PPM1H: variants seen among roughly 807,000 people sequenced by gnomAD.
The protein encoded by PPM1H is protein phosphatase, Mg2+/Mn2+ dependent 1H.
A neutral mutation model predicts 54.9 loss-of-function variants in PPM1H; 27 were observed. The observed-to-expected ratio is 0.49, with a 90% CI of 0.36 to 0.68. PPM1H has a LOEUF of 0.68. Ranked by LOEUF, PPM1H falls within the 30% of genes least tolerant of loss-of-function variation. The pLI, the probability that PPM1H is intolerant of heterozygous loss-of-function variation, is 0.00. For missense variants in PPM1H, 596 were observed against 667.8 expected, an observed-to-expected ratio of 0.89 and a Z score of 1.19; for synonymous variants, 305 against 270.8, an observed-to-expected ratio of 1.13 and a Z score of -1.24.
intron 4 of PPM1H, among the ~76,000 whole-genome samples, chr12:62,776,325 CA>C (rs2076611050): frequency 6.6e-6 from 1 of 152,230 alleles, no homozygotes; most frequent in Admixed American, 6.5e-5. Context: ...TTTGAAACTG[CA>C]ACCCACCCCT....
At position 62,694,006 on chromosome 12, in the gene PPM1H, G is replaced by A. The variant is rs753269948; in HGVS notation, c.1074-7C>T. On this transcript the variant is annotated splice_region_variant and splice_polypyrimidine_tract_variant and intron_variant, in intron 6 of 9. Transcript: ENST00000228705. ...CTCAATGGTTTTGTATGCCCTGTAG[G>A]GGATAAACAACATTTTAAAAAAGGT... is the stretch of plus-strand genomic sequence containing the variant. 30 of 1,610,298 alleles carry A rather than the reference G, an allele frequency of 1.9e-5. No individual in the cohort carries two copies. In the Middle Eastern group the frequency reaches 6.6e-4, roughly 35 times the overall value.
intron 8 of PPM1H, among the ~76,000 whole-genome samples, chr12:62,681,520 G>C (rs2076019037): frequency 6.6e-6 from 1 of 152,264 alleles, no homozygotes; most frequent in East Asian, 1.9e-4. Flanking sequence ...GGGGCAGTTA[G>C]CTTTATTAGA....
intron 6 of PPM1H, among the ~76,000 whole-genome samples, chr12:62,714,583 G>A (rs905943741): frequency 4.6e-5 from 7 of 152,070 alleles, no homozygotes; most frequent in African/African-American, 1.7e-4. Flanking sequence ...CACACTTAGA[G>A]GTTCGCAGCA....
rs1253928750 is a variant in PPM1H, at chr12:62,645,418, T to G, written c.*3071A>C. ...ACTGAAATTTCCACTGCTTAAGGCT[T>G]CATCCTATTAAGACAGCTGAGTACT... On this transcript the variant is annotated 3_prime_UTR_variant, in exon 10 of 10. Transcript: ENST00000228705. 1 of 152,282 alleles carries G rather than the reference T, an allele frequency of 6.6e-6. No individual in the cohort carries two copies. Among genetic ancestry groups the G allele is most frequent in the Non-Finnish European group, 1.5e-5 (1 of 68,070 alleles). 9.4% of individuals were successfully genotyped at this position (152,282 alleles called of 1,614,324 possible). A position where few individuals can be genotyped will look rare whatever the true frequency, so the allele number is the denominator to read the frequency against.
intron 2 of PPM1H, among the ~76,000 whole-genome samples, chr12:62,831,675 G>A (rs984717401): frequency 4.0e-5 from 6 of 150,946 alleles, no homozygotes; most frequent in African/African-American, 1.5e-4. Context: ...CCTAGAAGTG[G>A]CTCCTTTGAA....
At chr12:62,754,040 A>G (rs1045028035) in intron 4 of PPM1H, among the ~76,000 whole-genome samples, 2 of 152,224 alleles carry the variant, frequency 1.3e-5, no homozygotes, top group African/African-American at 4.8e-5. Context: ...ACAGAAGAGA[A>G]TCTTGCTGCA....
rs1281931498 is a variant in PPM1H at position 62,844,228 on chromosome 12, T to C, written c.246-11949A>G. Among the ~76,000 whole-genome samples the C allele has an allele frequency of 1.3e-5, 2 of 152,172 alleles. No individual in the cohort carries two copies. The highest frequency in any genetic ancestry group is 1.5e-5 in the Non-Finnish European group (1 of 68,032). On this transcript the variant is annotated intron_variant, in intron 1 of 9. Transcript: ENST00000228705. The surrounding 1 kb of genome is among the most constrained non-coding windows in gnomAD (Gnocchi z 5.2). ...TGGGGAAGCTAAGGTTTCACTTATA[T>C]AGGCAGAAACAGTTTTAGCAGGGTT...
chr12:62,755,444 T>A, intron 4 of PPM1H: 1 of 697,600 alleles, frequency 1.4e-6, no homozygotes. Flanking sequence ...GAAAATCCTA[T>A]CACCATCTTC....
intron 2 of PPM1H, among the ~76,000 whole-genome samples, chr12:62,819,131 T>C (rs1002320696): frequency 1.5e-4 from 16 of 106,458 alleles, no homozygotes; most frequent in Admixed American, 3.7e-4. Flanking sequence ...AAAACATTGC[T>C]TTTTTTTTTT....
chr12:62,701,321 A>G (rs1354177249), intron 6 of PPM1H, among the ~76,000 whole-genome samples: 2 of 152,196 alleles, frequency 1.3e-5, no homozygotes, highest in African/African-American at 4.8e-5. Context: ...AGGCTCAGAC[A>G]TTCTCTATGA....
intron 9 of PPM1H, among the ~76,000 whole-genome samples, chr12:62,666,551 C>G (rs1362420233): frequency 3.3e-5 from 5 of 152,258 alleles, no homozygotes; most frequent in East Asian, 1.9e-4. Context: ...TCACTCTCAT[C>G]AACAGGATCA....
intron 4 of PPM1H, among the ~76,000 whole-genome samples, chr12:62,780,831 A>G (rs969263897): frequency 5.3e-5 from 8 of 152,176 alleles, no homozygotes; most frequent in Non-Finnish European, 8.8e-5. Context: ...TCTCTACTAC[A>G]AAGTTTCCTC....
rs398055633 is a variant in PPM1H, at chr12:62,920,623, CA to C, written c.245+13868del. 4.4e-3 allele frequency among the ~76,000 whole-genome samples: 538 copies of C among 121,342 alleles called. 1 individual carries two copies. The highest frequency in any genetic ancestry group is 8.4e-3 in the Middle Eastern group (2 of 238). 79.6% of individuals were successfully genotyped at this position (121,342 alleles called of 152,430 possible). ...AGGCATGAGCCATGGCACCCGGCAT[CA>C]AAAAAAAAAAAAAGAAAGAAAAAAT... On this transcript the variant is annotated intron_variant, in intron 1 of 9. Coordinates refer to ENST00000228705, the MANE Select transcript of PPM1H (RefSeq NM_020700.2).
chr12:62,822,841 A>G (rs1246438204), intron 2 of PPM1H, among the ~76,000 whole-genome samples: 2 of 152,208 alleles, frequency 1.3e-5, no homozygotes, highest in Non-Finnish European at 2.9e-5. Context: ...GAACTAGAGA[A>G]GCAAGAGCAA....
At chr12:62,859,660 TG>T (rs1869526877) in intron 1 of PPM1H, among the ~76,000 whole-genome samples, 1 of 152,204 alleles carries the variant, frequency 6.6e-6, no homozygotes, top group Non-Finnish European at 1.5e-5. Flanking sequence ...TTCAAGGCTT[TG>T]CATTCAAAAA....
At chr12:62,680,798 G>C (rs2076015222) in intron 8 of PPM1H, among the ~76,000 whole-genome samples, 1 of 152,174 alleles carries the variant, frequency 6.6e-6, no homozygotes, top group Non-Finnish European at 1.5e-5. Context: ...AGTTTTGGAG[G>C]AGGTTTGTTT....
chr12:62,724,277 G>A (rs79085419), intron 5 of PPM1H, among the ~76,000 whole-genome samples: 1,570 of 152,250 alleles, frequency 0.01, 29 homozygotes, highest in East Asian at 0.087. Flanking sequence ...TCTGTCTTTT[G>A]TTATAGGGGC....
chr12:62,841,421 T>C (rs1379974413), intron 1 of PPM1H, among the ~76,000 whole-genome samples: 2 of 152,236 alleles, frequency 1.3e-5, no homozygotes, highest in Non-Finnish European at 2.9e-5. Context: ...CACAGCCACA[T>C]TCGTTCATTT....
chr12:62,866,558 T>A (rs548193954), intron 1 of PPM1H, among the ~76,000 whole-genome samples: 1 of 152,274 alleles, frequency 6.6e-6, no homozygotes, highest in Admixed American at 6.5e-5. Flanking sequence ...GGCAAAGAAC[T>A]GAGGTTTCCT....
Sources: gnomAD v4.1 joint callset for allele counts (sites outside exome capture counted in the v4.1 genomes callset) on GRCh38, gnomAD v4.1.1 for gene constraint, Gnocchi (gnomAD v3.1) non-coding constraint, MANE v1.5 for transcripts, NCBI Gene and HGNC (gene_info 2026-07-23, HGNC 2026-07-21) for gene names.